Variants in FBXO42 observed in about 807,000 individuals in gnomAD.
The protein encoded by FBXO42 is F-box protein 42, also known as F-box only protein 42.
A neutral mutation model predicts 71.7 loss-of-function variants in FBXO42; 12 were observed. That is an observed-to-expected ratio of 0.17 (90% CI 0.11 to 0.27). The LOEUF (loss-of-function observed/expected upper bound fraction) is 0.27. Ranked by LOEUF, FBXO42 falls within the 10% of genes least tolerant of loss-of-function variation. FBXO42 has a pLI of 1.00. For synonymous variants in FBXO42, 325 were observed against 327.5 expected, an observed-to-expected ratio of 0.99 and a Z score of 0.08; for missense variants, 707 against 911.9, an observed-to-expected ratio of 0.78 and a Z score of 2.89.
chr1:16,349,650 C>A (rs1306405817), intron 1 of FBXO42, among the ~76,000 whole-genome samples: 1 of 152,168 alleles, frequency 6.6e-6, no homozygotes, highest in African/African-American at 2.4e-5. Flanking sequence ...CGCCTGCGGT[C>A]AGGAGTTCAA....
rs146558815 is a variant in FBXO42 at position 16,288,998 on chromosome 1, T to C, written c.502+5785A>G. ...AAGTTTTGTCAGTTTCTTACTGATA[T>C]ATGCTCATCTGAGTCTTGTCAATAT... On this transcript the variant is annotated intron_variant, in intron 4 of 9. Transcript: ENST00000375592. Among the ~76,000 whole-genome samples, 333 of 151,996 alleles carry C rather than the reference T, an allele frequency of 2.2e-3. 1 individual carries two copies. The highest frequency in any genetic ancestry group is 3.2e-3 in the Non-Finnish European group (217 of 67,968).
chr1:16,247,887 A>T lies in FBXO42; in HGVS notation c.*2783T>A, dbSNP rs6693451. 6.6e-6 allele frequency: 1 copy of T among 151,950 alleles called. No homozygotes were observed. Among genetic ancestry groups the T allele is most frequent in the African/African-American group, 2.4e-5 (1 of 41,308 alleles). 9.4% of individuals were successfully genotyped at this position (151,950 alleles called of 1,614,324 possible). ...GGGTAGGGAGAGACTAAAATTCTTA[A>T]GTAAGATGGACAAGGTGACCAGTGA... On this transcript the variant is annotated 3_prime_UTR_variant, in exon 10 of 10. Transcript: ENST00000375592.
chr1:16,313,333 A>C (rs2082333714), intron 2 of FBXO42, among the ~76,000 whole-genome samples: 1 of 62,200 alleles, frequency 1.6e-5, no homozygotes, highest in Admixed American at 1.5e-4. Flanking sequence ...ACAAAGAAAG[A>C]AAGAAAGAAA....
intron 4 of FBXO42, among the ~76,000 whole-genome samples, chr1:16,278,244 T>C (rs1156350826): frequency 1.3e-5 from 2 of 151,500 alleles, no homozygotes; most frequent in Admixed American, 6.6e-5. Flanking sequence ...TAATCCCAGC[T>C]ACTCGGGAGG....
chr1:16,336,022 A>G (rs2082549479), intron 1 of FBXO42, among the ~76,000 whole-genome samples: 3 of 150,624 alleles, frequency 2.0e-5, no homozygotes. Context: ...ACCTCACTGA[A>G]CACCTCCTGG....
At chr1:16,329,674 G>A (rs2100605584) in intron 1 of FBXO42, among the ~76,000 whole-genome samples, 1 of 152,170 alleles carries the variant, frequency 6.6e-6, no homozygotes, top group Non-Finnish European at 1.5e-5. Flanking sequence ...AAAAGGCTGG[G>A]TGCGGTGGCT....
At chr1:16,256,232 T>C (rs933229139) in intron 5 of FBXO42, among the ~76,000 whole-genome samples, 3 of 152,236 alleles carry the variant, frequency 2.0e-5, no homozygotes, top group Admixed American at 2.0e-4. Context: ...GAAAAACAAT[T>C]CAGAGTAAGT....
intron 3 of FBXO42, among the ~76,000 whole-genome samples, chr1:16,304,697 G>A (rs531543115): frequency 1.2e-4 from 19 of 152,118 alleles, no homozygotes; most frequent in African/African-American, 2.6e-4. Context: ...GGCTGGGCGC[G>A]GTGGCTCACA....
chr1:16,310,487 C>T (rs1056423612), intron 2 of FBXO42, among the ~76,000 whole-genome samples: 7 of 152,030 alleles, frequency 4.6e-5, no homozygotes, highest in Admixed American at 1.3e-4. Flanking sequence ...GCCCTGATCA[C>T]GCCACTAGAC....
intron 1 of FBXO42, among the ~76,000 whole-genome samples, chr1:16,350,182 C>G (rs1404214877): frequency 6.6e-6 from 1 of 151,986 alleles, no homozygotes; most frequent in African/African-American, 2.4e-5. Flanking sequence ...AGGTCAAAAT[C>G]TGGAGAGCAA....
At chr1:16,331,012 T>C (rs962409111) in intron 1 of FBXO42, among the ~76,000 whole-genome samples, 6 of 151,820 alleles carry the variant, frequency 4.0e-5, no homozygotes, top group African/African-American at 1.5e-4. Context: ...TCCCAACTAC[T>C]GGGGAGGCTG....
At chr1:16,330,110 G>C (rs888378525) in intron 1 of FBXO42, among the ~76,000 whole-genome samples, 3 of 152,198 alleles carry the variant, frequency 2.0e-5, no homozygotes, top group African/African-American at 7.2e-5. Flanking sequence ...AATGTAGCTA[G>C]ACACTAAGCT....
intron 4 of FBXO42, among the ~76,000 whole-genome samples, chr1:16,273,570 G>A (rs950035537): frequency 6.6e-6 from 1 of 150,492 alleles, no homozygotes; most frequent in African/African-American, 2.5e-5. Flanking sequence ...CCATCAACAG[G>A]AGAACAACTT....
intron 1 of FBXO42, among the ~76,000 whole-genome samples, chr1:16,348,427 G>A (rs1050369607): frequency 3.3e-5 from 5 of 151,972 alleles, no homozygotes; most frequent in Non-Finnish European, 5.9e-5. Context: ...CGTCGGGAGC[G>A]GTGGCTGAAG....
chr1:16,304,113 A>AT (rs141862662), intron 3 of FBXO42, among the ~76,000 whole-genome samples: 4,000 of 127,484 alleles, frequency 0.031, 192 homozygotes, highest in African/African-American at 0.1. Flanking sequence ...CCAAATTTGT[A>AT]TTTTTTTTTT....
intron 1 of FBXO42, among the ~76,000 whole-genome samples, chr1:16,328,840 A>G (rs75291539): frequency 0.027 from 4,048 of 152,214 alleles, 185 homozygotes; most frequent in African/African-American, 0.09. Flanking sequence ...CCACAAAGTA[A>G]GGAAGTGCCC....
intron 2 of FBXO42, among the ~76,000 whole-genome samples, chr1:16,308,816 T>C (rs1310384798): frequency 7.1e-6 from 1 of 140,956 alleles, no homozygotes; most frequent in African/African-American, 2.7e-5. Context: ...CAATGTCAGC[T>C]GACTGCAACC....
At chr1:16,329,634 T>C (rs2082479610) in intron 1 of FBXO42, among the ~76,000 whole-genome samples, 1 of 149,904 alleles carries the variant, frequency 6.7e-6, no homozygotes, top group African/African-American at 2.5e-5. Flanking sequence ...ATCCACAAAT[T>C]CATATTGATA....
Position 16,251,683 on chromosome 1 carries a change from C to A in FBXO42, c.1141G>T (p.Ala381Ser), listed in dbSNP as rs376245266. ...RPSPISATPP[A>S]LVPETREYRS... ...TACTCTCGGGTTTCAGGAACGAGAGCTGGAGGAGTGGCACTGATAGGTGAT... is the reference window on the plus strand; with the variant it reads ...TACTCTCGGGTTTCAGGAACGAGAGATGGAGGAGTGGCACTGATAGGTGAT... The change falls in exon 10 of 10, where the codon GCT (alanine) becomes TCT (serine). Residue 381 changes from alanine to serine, a missense_variant. This residue lies in a region of FBXO42 where 482 missense variants were observed against 587.1 expected (regional missense o/e 0.82). Transcript: ENST00000375592. This position sits in a 1 kb window ranked among gnomAD's most constrained non-coding sequence, Gnocchi z 4.5. 1.9e-6 allele frequency: 3 copies of A among 1,614,196 alleles called. No individual in the cohort carries two copies. The highest frequency in any genetic ancestry group is 1.7e-6 in the Non-Finnish European group (2 of 1,180,036).
Sources: gnomAD v4.1 joint callset for allele counts (sites outside exome capture counted in the v4.1 genomes callset) on GRCh38, gnomAD v4.1.1 for gene constraint, gnomAD v4.1.1 regional missense constraint, Gnocchi (gnomAD v3.1) non-coding constraint, MANE v1.5 for transcripts, NCBI Gene and HGNC (gene_info 2026-07-23, HGNC 2026-07-21) for gene names.